Variants in MFHAS1 observed in about 807,000 individuals in gnomAD.
MFHAS1 encodes malignant fibrous histiocytoma-amplified sequence 1.
MFHAS1 carries 50 observed loss-of-function variants against 70.4 expected under a neutral mutation model. The observed-to-expected ratio is 0.71, with a 90% confidence interval of 0.57 to 0.90. The LOEUF (loss-of-function observed/expected upper bound fraction) is 0.90. Ranked by LOEUF, MFHAS1 falls within the 40% of genes least tolerant of loss-of-function variation. The pLI, the probability that MFHAS1 is intolerant of heterozygous loss-of-function variation, is 0.00. For synonymous variants in MFHAS1, 952 were observed against 620.0 expected (o/e 1.54, Z -7.96); for missense variants, 1,795 against 1,347.6 (o/e 1.33, Z -5.20).
At chr8:8,879,381 A>G (rs60719883) in intron 1 of MFHAS1, among the ~76,000 whole-genome samples, 5,423 of 152,218 alleles carry the variant, frequency 0.036, 263 homozygotes, top group African/African-American at 0.12. Context: ...TCCTGAAGAA[A>G]AGGCATTTCT....
intron 1 of MFHAS1, among the ~76,000 whole-genome samples, chr8:8,877,813 T>G (rs369453269): frequency 3.9e-5 from 6 of 152,322 alleles, no homozygotes; most frequent in African/African-American, 1.4e-4. Context: ...AAAACTCTAG[T>G]TGATGGGCCA....
intron 1 of MFHAS1, among the ~76,000 whole-genome samples, chr8:8,805,614 C>CG (rs1806260454): frequency 6.6e-6 from 1 of 152,092 alleles, no homozygotes; most frequent in Admixed American, 6.6e-5. Flanking sequence ...GTAAGTGGAC[C>CG]GGCACAGTTC....
chr8:8,890,793 T>C lies in MFHAS1; in HGVS notation c.2266A>G (p.Thr756Ala), dbSNP rs1240673086. ...CCCTCCGCCTTGCCCTCTCCACTGG[T>C]CCCTAGGAGCAGCTTATGCAGCAGC... ...SLLLHKLLLGTSGEGKAEGES... is the reference protein window; with the variant it reads ...SLLLHKLLLGASGEGKAEGES... Residue 756 changes from threonine to alanine, a missense_variant, in exon 1 of 3, where the codon ACC becomes GCC. Physicochemically the swap from Thr to Ala is moderately conservative, Grantham distance 58. Transcript: ENST00000276282. 2 of 1,614,000 alleles carry C rather than the reference T, an allele frequency of 1.2e-6. No individual in the cohort carries two copies. Among genetic ancestry groups the C allele is most frequent in the Non-Finnish European group, 8.5e-7 (1 of 1,180,022 alleles).
intron 1 of MFHAS1, among the ~76,000 whole-genome samples, chr8:8,888,025 C>G (rs1809838052): frequency 1.3e-5 from 2 of 152,140 alleles, no homozygotes. Flanking sequence ...GTAAACTACC[C>G]TGTAAATGCG....
chr8:8,790,756 A>G (rs1226022116), intron 2 of MFHAS1, among the ~76,000 whole-genome samples: 3 of 152,162 alleles, frequency 2.0e-5, no homozygotes, highest in Non-Finnish European at 4.4e-5. Context: ...AGTTCATGCT[A>G]ATTTGTGTGC....
At chr8:8,810,429 C>A (rs527537683) in intron 1 of MFHAS1, among the ~76,000 whole-genome samples, 50 of 152,314 alleles carry the variant, frequency 3.3e-4, no homozygotes, top group Middle Eastern at 6.8e-3. Context: ...TTGAACCATG[C>A]AGGTCCATTT....
chr8:8,797,529 G>A (rs765746963), intron 1 of MFHAS1, 38 bp from the exon 2 acceptor site: 2 of 1,593,720 alleles, frequency 1.3e-6, no homozygotes, highest in Non-Finnish European at 1.7e-6. Flanking sequence ...AGGGAGATGT[G>A]CACTAAAAAT....
intron 1 of MFHAS1, among the ~76,000 whole-genome samples, chr8:8,808,434 C>A (rs1187804536): frequency 6.6e-6 from 1 of 152,208 alleles, no homozygotes; most frequent in Non-Finnish European, 1.5e-5. Flanking sequence ...AATACGTCAC[C>A]CTTATTTTAC....
chr8:8,864,923 C>T (rs1400930760), intron 1 of MFHAS1, among the ~76,000 whole-genome samples: 1 of 152,054 alleles, frequency 6.6e-6, no homozygotes, highest in East Asian at 1.9e-4. Flanking sequence ...TAGGTATGAA[C>T]CACATATTAG....
chr8:8,865,910 C>T (rs1370530234), intron 1 of MFHAS1, among the ~76,000 whole-genome samples: 2 of 152,208 alleles, frequency 1.3e-5, no homozygotes, highest in African/African-American at 4.8e-5. Flanking sequence ...ACTGCAGCTA[C>T]AGAATGACTG....
At chr8:8,813,939 CTTTT>C (rs902619137) in intron 1 of MFHAS1, among the ~76,000 whole-genome samples, 2 of 138,566 alleles carry the variant, frequency 1.4e-5, no homozygotes, top group African/African-American at 2.6e-5. Context: ...ACATTTTTAT[CTTTT>C]TTTTTTTTTT....
rs138419676 is a variant in MFHAS1 at position 8,886,656 on chromosome 8, G to A, written c.2998+3405C>T. Among the ~76,000 whole-genome samples, 463 of 152,184 alleles carry A rather than the reference G, an allele frequency of 3.0e-3. 1 individual carries two copies. Among genetic ancestry groups the A allele is most frequent in the Non-Finnish European group, 5.0e-3 (337 of 67,996 alleles). On this transcript the variant is annotated intron_variant, in intron 1 of 2. Coordinates refer to ENST00000276282, the MANE Select transcript of MFHAS1 (RefSeq NM_004225.3). ...ACATTTTTTCTGTATAAAATCAAGA[G>A]AGACAGTAATTTACTATTTACTTTT...
In MFHAS1 at chr8:8,848,099, G is replaced by A. The variant is rs554621141; in HGVS notation, c.2998+41962C>T. 7.9e-5 allele frequency among the ~76,000 whole-genome samples: 12 copies of A among 152,306 alleles called. No homozygotes were observed. In the South Asian group the frequency reaches 1.4e-3, roughly 18 times the overall value. ...AACTGCTGGGACAATCATCTGGGAC[G>A]GCTGCTTTCCACCCAGCCCGCCCAG... On this transcript the variant is annotated intron_variant, in intron 1 of 2. Transcript: ENST00000276282.
At chr8:8,871,549 G>T (rs141332488) in intron 1 of MFHAS1, among the ~76,000 whole-genome samples, 2 of 152,102 alleles carry the variant, frequency 1.3e-5, no homozygotes, top group South Asian at 4.2e-4. Flanking sequence ...TCACAAACAC[G>T]CAAACAAAGA....
At chr8:8,877,301 C>CAAAAAA (rs3989409) in intron 1 of MFHAS1, among the ~76,000 whole-genome samples, 1,974 of 63,588 alleles carry the variant, frequency 0.031, 228 homozygotes, top group African/African-American at 0.089. Context: ...GACCCTGCCT[C>CAAAAAA]AAAAAAAAAA....
At chr8:8,797,008 C>A (rs528693396) in intron 2 of MFHAS1, among the ~76,000 whole-genome samples, 227 of 151,848 alleles carry the variant, frequency 1.5e-3, no homozygotes, top group African/African-American at 5.2e-3. Context: ...AAAACAACAA[C>A]AAAAAAAATG....
In MFHAS1 at chr8:8,884,081, C is replaced by CACAA. The variant is rs752918237; in HGVS notation, c.2998+5979_2998+5980insTTGT. On this transcript the variant is annotated intron_variant, in intron 1 of 2. Coordinates refer to ENST00000276282, the MANE Select transcript of MFHAS1 (RefSeq NM_004225.3). ...ACACACACACACACACACACACACA[C>CACAA]AAAAAGAAAAAAAAAATTAAAGAAA... Among the ~76,000 whole-genome samples, 299 of 123,548 alleles carry CACAA rather than the reference C, an allele frequency of 2.4e-3. 3 individuals carry two copies. The highest frequency in any genetic ancestry group is 9.8e-3 in the African/African-American group (279 of 28,334). The allele number at this position is 123,548 out of a possible 152,430, so 81.1% of individuals were successfully genotyped here.
At chr8:8,887,532 G>A (rs1809807715) in intron 1 of MFHAS1, among the ~76,000 whole-genome samples, 1 of 149,570 alleles carries the variant, frequency 6.7e-6, no homozygotes, top group South Asian at 2.1e-4. Context: ...TATGTACGTT[G>A]GTGTATATAT....
chr8:8,823,879 G>A lies in MFHAS1; in HGVS notation c.2999-26388C>T, dbSNP rs570375808. On this transcript the variant is annotated intron_variant, in intron 1 of 2. Transcript: ENST00000276282. ...CATGCGCTTCAAAGATCTTAGCCACGTCGTGCATAATGTATGAGTGAGCGC... is the reference window on the plus strand; with the variant it reads ...CATGCGCTTCAAAGATCTTAGCCACATCGTGCATAATGTATGAGTGAGCGC... Among the ~76,000 whole-genome samples, 113 of 130,714 alleles carry A rather than the reference G, an allele frequency of 8.6e-4. 1 individual carries two copies. Among genetic ancestry groups the A allele is most frequent in the African/African-American group, 3.2e-3 (112 of 35,464 alleles). The allele number at this position is 130,714 out of a possible 152,430, so 85.8% of individuals were successfully genotyped here. A position where few individuals can be genotyped will look rare whatever the true frequency, so the allele number is the denominator to read the frequency against.
Sources: allele counts gnomAD v4.1 joint callset (sites outside exome capture counted in the v4.1 genomes callset), GRCh38; gene constraint gnomAD v4.1.1; transcripts MANE v1.5; gene names NCBI Gene and HGNC (gene_info 2026-07-23, HGNC 2026-07-21).